Variants in CD244 observed in about 807,000 individuals in gnomAD.
The protein encoded by CD244 is CD244 molecule.
In CD244, 20 loss-of-function variants were observed where a neutral mutation model predicts 45.5. The observed-to-expected ratio is 0.44, with a 90% confidence interval of 0.31 to 0.64. CD244 has a LOEUF of 0.64. Ranked by LOEUF, CD244 falls within the 30% of genes least tolerant of loss-of-function variation. The pLI, the probability that CD244 is intolerant of heterozygous loss-of-function variation, is 0.08. For missense variants in CD244, 407 were observed against 426.9 expected, an observed-to-expected ratio of 0.95 and a Z score of 0.41; for synonymous variants, 185 against 160.5, an observed-to-expected ratio of 1.15 and a Z score of -1.15.
rs1363393163 is a variant in CD244 at position 160,837,785 on chromosome 1, C to A, written c.834+666G>T. On this transcript the variant is annotated intron_variant, in intron 5 of 8. Transcript: ENST00000368034. ...CAGAGCTTTTCCCCTGGGCCTGTCACCACATCTGCCCTAAGCGAGACACAG... is the reference window on the plus strand; with the variant it reads ...CAGAGCTTTTCCCCTGGGCCTGTCAACACATCTGCCCTAAGCGAGACACAG... Among the ~76,000 whole-genome samples, 7 of 152,380 alleles carry A rather than the reference C, an allele frequency of 4.6e-5. No homozygotes were observed. In the East Asian group the frequency reaches 1.3e-3, roughly 29 times the overall value.
At chr1:160,843,275 A>G (rs1184116833) in intron 1 of CD244, among the ~76,000 whole-genome samples, 1 of 152,192 alleles carries the variant, frequency 6.6e-6, no homozygotes, top group Admixed American at 6.5e-5. Context: ...CCCATTAGCA[A>G]ACCAAAAGCT....
chr1:160,834,012 A>G (rs11265493), intron 7 of CD244, 39 bp downstream of exon 7: 872,242 of 1,467,252 alleles, frequency 0.59, 262,992 homozygotes, highest in Middle Eastern at 0.64. Flanking sequence ...ACACATCTAC[A>G]TCAACAACAC....
chr1:160,846,536 CG>C lies in CD244; in HGVS notation c.62-4636del, dbSNP rs1669746758. 2.0e-5 allele frequency among the ~76,000 whole-genome samples: 3 copies of C among 152,000 alleles called. No individual in the cohort carries two copies. In the South Asian group the frequency reaches 6.2e-4, roughly 32 times the overall value. ...CAAAAGTTAGCTGAGCGTGGTGGCA[CG>C]CGCCCATAATCCCGGCTACTCAGGA... On this transcript the variant is annotated intron_variant, in intron 1 of 8. Coordinates refer to ENST00000368034, the MANE Select transcript of CD244 (RefSeq NM_016382.4).
intron 1 of CD244, among the ~76,000 whole-genome samples, chr1:160,854,177 CT>C (rs964282082): frequency 2.6e-5 from 4 of 152,070 alleles, no homozygotes; most frequent in Non-Finnish European, 5.9e-5. Context: ...TTATTTTTAT[CT>C]TTTATAAAAT....
intron 1 of CD244, among the ~76,000 whole-genome samples, chr1:160,852,170 G>T (rs190629773): frequency 1.3e-5 from 2 of 152,296 alleles, no homozygotes; most frequent in Admixed American, 1.3e-4. Flanking sequence ...ATATCCAATA[G>T]CCAATAGGCA....
At position 160,858,927 on chromosome 1, in the gene CD244, G is replaced by A. The variant is rs79721427; in HGVS notation, c.61+3690C>T. Among the ~76,000 whole-genome samples, 565 of 152,274 alleles carry A rather than the reference G, an allele frequency of 3.7e-3. 2 individuals carry two copies. Among genetic ancestry groups the A allele is most frequent in the African/African-American group, 0.013 (532 of 41,552 alleles). Reference sequence around the variant, plus strand: ...CTGCTCTAGATGTTGAGGAGACAACGGTGAGCAAAACAGACAAAAGCCCTG... The same window carrying A: ...CTGCTCTAGATGTTGAGGAGACAACAGTGAGCAAAACAGACAAAAGCCCTG... On this transcript the variant is annotated intron_variant, in intron 1 of 8. Transcript: ENST00000368034.
chr1:160,840,818 GCA>G (rs766727360), intron 3 of CD244, among the ~76,000 whole-genome samples: 4 of 152,190 alleles, frequency 2.6e-5, no homozygotes, highest in Non-Finnish European at 5.9e-5. Flanking sequence ...GGCTACTGCT[GCA>G]CAGTGTAGTT....
At chr1:160,835,644 A>G (rs1328945014) in intron 6 of CD244, among the ~76,000 whole-genome samples, 1 of 152,158 alleles carries the variant, frequency 6.6e-6, no homozygotes, top group Non-Finnish European at 1.5e-5. Flanking sequence ...ACAAATCACC[A>G]CTAAAGAACT....
intron 1 of CD244, among the ~76,000 whole-genome samples, chr1:160,861,477 C>A (rs1164595305): frequency 6.6e-6 from 1 of 152,164 alleles, no homozygotes; most frequent in African/African-American, 2.4e-5. Flanking sequence ...CCAGAGTGTA[C>A]CCTCCTCTAA....
intron 7 of CD244, 119 bp from the exon 8 acceptor site, chr1:160,832,694 C>T: frequency 6.5e-7 from 1 of 1,542,238 alleles, no homozygotes; most frequent in Non-Finnish European, 8.7e-7. Context: ...GCACTCTCAG[C>T]CAGAAAATGA....
At chr1:160,834,251 A>G (rs950228542) in intron 6 of CD244, 135 bp from the exon 7 acceptor site, 2 of 647,442 alleles carry the variant, frequency 3.1e-6, no homozygotes, top group African/African-American at 3.6e-5. Flanking sequence ...GCCCTGGACT[A>G]GCCAGGAGGT....
chr1:160,832,242 C>CA (rs1669151412), intron 8 of CD244, among the ~76,000 whole-genome samples: 2 of 152,212 alleles, frequency 1.3e-5, no homozygotes, highest in Non-Finnish European at 2.9e-5. Flanking sequence ...TTGTGGCCCA[C>CA]AGCCTGGGAA....
rs1013886676 is a variant in CD244, at chr1:160,842,760, C to T, written c.62-859G>A. On this transcript the variant is annotated intron_variant, in intron 1 of 8. Transcript: ENST00000368034. Reference sequence around the variant, plus strand: ...GAAAACAATTTTAAAAATAAAACTACACTTCCCAGGCAGATCCCAGCACTT... The same window carrying T: ...GAAAACAATTTTAAAAATAAAACTATACTTCCCAGGCAGATCCCAGCACTT... Among the ~76,000 whole-genome samples, 18 of 152,294 alleles carry T rather than the reference C, an allele frequency of 1.2e-4. 1 individual carries two copies. The highest frequency in any genetic ancestry group is 9.8e-4 in the Admixed American group (15 of 15,298).
intron 1 of CD244, among the ~76,000 whole-genome samples, chr1:160,851,067 C>T (rs1417318775): frequency 6.6e-6 from 1 of 152,178 alleles, no homozygotes; most frequent in Non-Finnish European, 1.5e-5. Context: ...TACAGAGTTT[C>T]CATGCCTTCC....
chr1:160,844,525 T>C (rs538432), intron 1 of CD244, among the ~76,000 whole-genome samples: 152,266 of 152,322 alleles, frequency 1, 76,105 homozygotes, highest in Non-Finnish European at 1. Context: ...GATGTTCTGC[T>C]AGTTCTAAGC....
intron 3 of CD244, among the ~76,000 whole-genome samples, chr1:160,839,411 T>A (rs1358432236): frequency 6.6e-6 from 1 of 152,220 alleles, no homozygotes; most frequent in East Asian, 1.9e-4. Context: ...TAGGGGTTAA[T>A]TACATGATCT....
chr1:160,846,046 A>G (rs1321785476), intron 1 of CD244, among the ~76,000 whole-genome samples: 2 of 152,134 alleles, frequency 1.3e-5, no homozygotes, highest in Admixed American at 1.3e-4. Context: ...CAGATGATGG[A>G]ATGGTATCTT....
At chr1:160,836,694 G>A (rs1031056047) in intron 5 of CD244, among the ~76,000 whole-genome samples, 6 of 152,122 alleles carry the variant, frequency 3.9e-5, no homozygotes, top group African/African-American at 7.2e-5. Flanking sequence ...TCAAGTCAGC[G>A]CCCTGGGCAG....
At chr1:160,846,574 G>T (rs963101902) in intron 1 of CD244, among the ~76,000 whole-genome samples, 1 of 152,044 alleles carries the variant, frequency 6.6e-6, no homozygotes, top group African/African-American at 2.4e-5. Flanking sequence ...GCTGAGGCAC[G>T]AGAATCACTT....
Sources: allele counts gnomAD v4.1 joint callset (sites outside exome capture counted in the v4.1 genomes callset), GRCh38; gene constraint gnomAD v4.1.1; transcripts MANE v1.5; gene names NCBI Gene and HGNC (gene_info 2026-07-23, HGNC 2026-07-21).